The following COPS3 variants were observed in gnomAD, a reference collection of about 807,000 sequenced individuals.
The protein encoded by COPS3 is COP9 signalosome complex subunit 3.
A neutral mutation model predicts 58.2 loss-of-function variants in COPS3; 10 were observed. The observed-to-expected ratio is 0.17, with a 90% CI of 0.11 to 0.29. The LOEUF is 0.29. Among genes scored for constraint, COPS3 ranks in the 10% least tolerant of loss-of-function variants. The pLI, the probability that COPS3 is intolerant of heterozygous loss-of-function variation, is 1.00. For missense variants in COPS3, 333 were observed against 510.1 expected, an observed-to-expected ratio of 0.65 and a Z score of 3.34; for synonymous variants, 187 against 181.7, an observed-to-expected ratio of 1.03 and a Z score of -0.24.
At chr17:17,280,217 C>T (rs974627407) in intron 1 of COPS3, among the ~76,000 whole-genome samples, 3 of 152,186 alleles carry the variant, frequency 2.0e-5, no homozygotes, top group Non-Finnish European at 4.4e-5. Flanking sequence ...TCGAGACCAG[C>T]CAGGCCAACA....
chr17:17,249,666 AT>A (rs1173357348), intron 9 of COPS3, among the ~76,000 whole-genome samples: 1 of 152,014 alleles, frequency 6.6e-6, no homozygotes, highest in African/African-American at 2.4e-5. Context: ...CTAATTTTGT[AT>A]TTTTAGTAGA....
Position 17,276,278 on chromosome 17 carries a change from TCTC to T in COPS3, c.56-117_56-115del, listed in dbSNP as rs2048459507. 3 of 1,362,652 alleles carry T rather than the reference TCTC, an allele frequency of 2.2e-6. No individual in the cohort carries two copies. The Admixed American group carries it at 5.9e-5, about 27-fold the overall frequency. The allele number at this position is 1,362,652 out of a possible 1,614,324, so 84.4% of individuals were successfully genotyped here. ...TGAAGTTCCCAAAATTGATTCTTAA[TCTC>T]CTTCACTTCGGATGAGGATCCAGAA... On this transcript the variant is annotated intron_variant, in intron 1 of 11. Transcript: ENST00000268717.
chr17:17,276,287 C>T (rs562532295), intron 1 of COPS3, 123 bp from the exon 2 acceptor site: 2 of 1,297,012 alleles, frequency 1.5e-6, no homozygotes, highest in Non-Finnish European at 2.1e-6. Context: ...ATCTCCTTCA[C>T]TTCGGATGAG....
At chr17:17,248,288 C>A (rs1168825796) in intron 10 of COPS3, among the ~76,000 whole-genome samples, 1 of 152,150 alleles carries the variant, frequency 6.6e-6, no homozygotes, top group African/African-American at 2.4e-5. Context: ...ATCTAACCCA[C>A]CATTTATTTA....
intron 8 of COPS3, among the ~76,000 whole-genome samples, chr17:17,259,698 C>T (rs1259763078): frequency 1.3e-5 from 2 of 151,896 alleles, no homozygotes; most frequent in Admixed American, 1.3e-4. Flanking sequence ...GGTTCGAGAC[C>T]GCCTGGCCAA....
intron 6 of COPS3, among the ~76,000 whole-genome samples, chr17:17,263,195 G>A (rs2048142913): frequency 6.6e-6 from 1 of 151,530 alleles, no homozygotes; most frequent in South Asian, 2.1e-4. Context: ...GGCTGAGGCA[G>A]GAGAATGGTG....
At chr17:17,267,540 A>G (rs2048253742) in intron 5 of COPS3, among the ~76,000 whole-genome samples, 1 of 149,486 alleles carries the variant, frequency 6.7e-6, no homozygotes, top group Middle Eastern at 3.2e-3. Context: ...CGAGAGGCTG[A>G]GGCAGGAGAA....
intron 10 of COPS3, among the ~76,000 whole-genome samples, chr17:17,248,460 G>T (rs372040272): frequency 6.6e-6 from 1 of 152,046 alleles, no homozygotes; most frequent in Non-Finnish European, 1.5e-5. Flanking sequence ...GATTACAGGC[G>T]TGCACCACCA....
intron 4 of COPS3, among the ~76,000 whole-genome samples, chr17:17,269,984 C>T (rs769331834): frequency 6.6e-5 from 10 of 152,158 alleles, no homozygotes; most frequent in African/African-American, 7.2e-5. Context: ...GGTGAAACCC[C>T]GTCTCTACTA....
chr17:17,275,711 A>G (rs905052543), intron 2 of COPS3, among the ~76,000 whole-genome samples: 1 of 152,196 alleles, frequency 6.6e-6, no homozygotes, highest in Non-Finnish European at 1.5e-5. Context: ...TGGGAGGCCA[A>G]GGTGGGCGGA....
At chr17:17,257,714 G>A (rs868440411) in intron 8 of COPS3, among the ~76,000 whole-genome samples, 1 of 149,840 alleles carries the variant, frequency 6.7e-6, no homozygotes, top group African/African-American at 2.5e-5. Flanking sequence ...GGAGAATGGC[G>A]TGAACCCGGG....
intron 2 of COPS3, among the ~76,000 whole-genome samples, chr17:17,271,460 G>C (rs953860808): frequency 2.6e-5 from 4 of 151,648 alleles, no homozygotes; most frequent in Admixed American, 2.6e-4. Flanking sequence ...TAGAATCCAT[G>C]AGATTTTCCT....
At position 17,273,607 on chromosome 17, in the gene COPS3, T is replaced by C. The variant is rs556476110; in HGVS notation, c.185+2428A>G. On this transcript the variant is annotated intron_variant, in intron 2 of 11. Transcript: ENST00000268717. ...GGCTTATGCCTGTAATCCCAGGACTTTGGGAGGCTGAGATGGGCAGATTGC... is the reference window on the plus strand; with the variant it reads ...GGCTTATGCCTGTAATCCCAGGACTCTGGGAGGCTGAGATGGGCAGATTGC... Among the ~76,000 whole-genome samples, 3 of 152,110 alleles carry C rather than the reference T, an allele frequency of 2.0e-5. No individual in the cohort carries two copies. The East Asian group carries it at 5.8e-4, about 29-fold the overall frequency.
At chr17:17,266,338 C>T (rs568196737) in intron 5 of COPS3, among the ~76,000 whole-genome samples, 40 of 152,112 alleles carry the variant, frequency 2.6e-4, no homozygotes, top group Middle Eastern at 6.8e-3. Context: ...AATATATATT[C>T]GTATTTGCTT....
chr17:17,250,316 T>C (rs1479959204), intron 9 of COPS3, among the ~76,000 whole-genome samples: 2 of 148,638 alleles, frequency 1.3e-5, no homozygotes, highest in African/African-American at 5.0e-5. Flanking sequence ...GTGCAGTGGC[T>C]TGATCTCTGC....
At chr17:17,270,152 GTC>G (rs143614024) in intron 4 of COPS3, among the ~76,000 whole-genome samples, 17,046 of 151,188 alleles carry the variant, frequency 0.11, 1,176 homozygotes, top group South Asian at 0.22. Flanking sequence ...GCGAGACTCT[GTC>G]TCCAAAAAAA....
chr17:17,251,554 T>G (rs1374281182), intron 9 of COPS3, among the ~76,000 whole-genome samples: 1 of 151,966 alleles, frequency 6.6e-6, no homozygotes, highest in Non-Finnish European at 1.5e-5. Flanking sequence ...TGCCTCAGCC[T>G]CCCAAAGTGC....
chr17:17,247,794 A>C, intron 10 of COPS3: 1 of 429,236 alleles, frequency 2.3e-6, no homozygotes, highest in African/African-American at 2.0e-5. Flanking sequence ...AATCAAACAC[A>C]TAGTATCTTT....
chr17:17,260,564 G>A, intron 7 of COPS3, 90 bp from the exon 8 acceptor site: 2 of 1,284,034 alleles, frequency 1.6e-6, no homozygotes, highest in Non-Finnish European at 2.2e-6. Flanking sequence ...AACACTTTGG[G>A]AGGCCGAGGC....
Sources: allele counts gnomAD v4.1 joint callset (sites outside exome capture counted in the v4.1 genomes callset), GRCh38; gene constraint gnomAD v4.1.1; transcripts MANE v1.5; gene names NCBI Gene and HGNC (gene_info 2026-07-23, HGNC 2026-07-21).